TRIM71: variants seen among roughly 807,000 people sequenced by gnomAD.
TRIM71 encodes E3 ubiquitin-protein ligase TRIM71.
In TRIM71, 9 loss-of-function variants were observed where a neutral mutation model predicts 61.2. The observed-to-expected ratio is 0.15, with a 90% CI of 0.09 to 0.26. The LOEUF is 0.26. Among genes scored for constraint, TRIM71 ranks in the 10% least tolerant of loss-of-function variants. TRIM71 has a pLI of 1.00. For missense variants in TRIM71, 998 were observed against 1,238.7 expected, an observed-to-expected ratio of 0.81 and a Z score of 2.92; for synonymous variants, 645 against 553.2, an observed-to-expected ratio of 1.17 and a Z score of -2.33.
intron 1 of TRIM71, among the ~76,000 whole-genome samples, chr3:32,824,304 A>G (rs1391238975): frequency 6.6e-6 from 1 of 150,968 alleles, no homozygotes; most frequent in Non-Finnish European, 1.5e-5. Flanking sequence ...CAGCCTCCCA[A>G]GTAACGGGGA....
chr3:32,855,628 C>A (rs561024193), intron 1 of TRIM71, among the ~76,000 whole-genome samples: 1 of 152,130 alleles, frequency 6.6e-6, no homozygotes, highest in Admixed American at 6.5e-5. Context: ...AAGCAGTGTT[C>A]CCTAGAGGGA....
chr3:32,830,895 C>G (rs34072251), intron 1 of TRIM71, among the ~76,000 whole-genome samples: 27,166 of 152,200 alleles, frequency 0.18, 2,562 homozygotes, highest in Middle Eastern at 0.3. Context: ...ACTGCAACCT[C>G]TACCTCCTGG....
chr3:32,840,796 G>A (rs990148956), intron 1 of TRIM71, among the ~76,000 whole-genome samples: 3 of 152,320 alleles, frequency 2.0e-5, no homozygotes, highest in African/African-American at 7.2e-5. Flanking sequence ...GAAGCCTTGC[G>A]ACTCTGCTGC....
At chr3:32,864,863 T>G (rs1350908054) in intron 1 of TRIM71, among the ~76,000 whole-genome samples, 1 of 137,784 alleles carries the variant, frequency 7.3e-6, no homozygotes, top group Non-Finnish European at 1.5e-5. Flanking sequence ...TGTGTGTGTG[T>G]GTGTGTGTGT....
At chr3:32,823,215 A>G (rs943814091) in intron 1 of TRIM71, among the ~76,000 whole-genome samples, 2 of 152,238 alleles carry the variant, frequency 1.3e-5, no homozygotes, top group Non-Finnish European at 2.9e-5. Flanking sequence ...AATGTTCGTT[A>G]TTGATATGTT....
chr3:32,825,550 A>G (rs1467052483), intron 1 of TRIM71, among the ~76,000 whole-genome samples: 2 of 152,154 alleles, frequency 1.3e-5, no homozygotes, highest in African/African-American at 2.4e-5. Context: ...TTGACAGGCA[A>G]AAGGGTGAGA....
chr3:32,838,233 A>T (rs142258360), intron 1 of TRIM71, among the ~76,000 whole-genome samples: 2 of 151,854 alleles, frequency 1.3e-5, no homozygotes, highest in African/African-American at 4.8e-5. Flanking sequence ...TTATTATTAT[A>T]TTTTTTTGAG....
chr3:32,836,189 TGCTCCGGAGA>T (rs1312282511), intron 1 of TRIM71, among the ~76,000 whole-genome samples: 2 of 152,128 alleles, frequency 1.3e-5, no homozygotes, highest in African/African-American at 4.8e-5. Flanking sequence ...CCCAGCACTT[TGCTCCGGAGA>T]GCTTGCCTTC....
intron 1 of TRIM71, among the ~76,000 whole-genome samples, chr3:32,834,819 TG>T (rs1241908455): frequency 6.6e-6 from 1 of 152,076 alleles, no homozygotes; most frequent in East Asian, 1.9e-4. Flanking sequence ...TCCAGCCTGG[TG>T]ACAGAGCGAG....
chr3:32,866,225 T>A (rs542816710), intron 1 of TRIM71, among the ~76,000 whole-genome samples: 78 of 151,970 alleles, frequency 5.1e-4, no homozygotes, highest in Non-Finnish European at 8.8e-4. Flanking sequence ...CGTGAACCAC[T>A]GCACCAGGCC....
At chr3:32,882,957 GT>G (rs1696925659) in intron 2 of TRIM71, among the ~76,000 whole-genome samples, 2 of 152,220 alleles carry the variant, frequency 1.3e-5, no homozygotes, top group African/African-American at 2.4e-5. Flanking sequence ...CTGGGTTCTT[GT>G]AACCACAGCT....
At chr3:32,832,607 C>T (rs1696284806) in intron 1 of TRIM71, among the ~76,000 whole-genome samples, 1 of 152,088 alleles carries the variant, frequency 6.6e-6, no homozygotes, top group Non-Finnish European at 1.5e-5. Context: ...ATTGCTTGAG[C>T]CTGGGAGGTG....
chr3:32,885,839 C>T (rs1696955750), intron 2 of TRIM71, 95 bp from the exon 3 acceptor site: 3 of 1,502,788 alleles, frequency 2.0e-6, no homozygotes. Flanking sequence ...CCCAGGGTGT[C>T]AGCTTTTCAA....
rs1696091559 is a variant in TRIM71 at position 32,818,697 on chromosome 3, A to G, written c.617A>G (p.Asn206Ser). Residue 206 changes from asparagine to serine, a missense_variant, in exon 1 of 4, where the codon AAC becomes AGC. Asn to Ser is a conservative substitution (Grantham distance 46). Coordinates refer to ENST00000383763, the MANE Select transcript of TRIM71 (RefSeq NM_001039111.3). ...GGCTGCAGCTCGTGCGATGAGGGCA[A>G]CGCAGCTTCTTCGCGCTGCCTCGAC... ...PHGCSSCDEG[N>S]AASSRCLDCQ... 1.9e-6 allele frequency: 3 copies of G among 1,580,192 alleles called. No individual in the cohort carries two copies. The highest frequency in any genetic ancestry group is 2.6e-6 in the Non-Finnish European group (3 of 1,170,482).
rs1384194450 is a variant in TRIM71, at chr3:32,835,358, G to T, written c.852+16426G>T. On this transcript the variant is annotated intron_variant, in intron 1 of 3. Transcript: ENST00000383763. ...ATTTGTAAATGTTATCACTGTGAGA[G>T]GGTCCTCTCCCCCTCTAAATGGTAA... Among the ~76,000 whole-genome samples the T allele has an allele frequency of 3.9e-5, 6 of 152,254 alleles. No individual in the cohort carries two copies. In the East Asian group the frequency reaches 1.2e-3, roughly 29 times the overall value.
chr3:32,840,779 C>CATTGGTG (rs1559540378), intron 1 of TRIM71, among the ~76,000 whole-genome samples: 1 of 151,834 alleles, frequency 6.6e-6, no homozygotes, highest in Admixed American at 6.6e-5. Context: ...AAGTGGCTAA[C>CATTGGTG]ACTGGTGAAG....
intron 1 of TRIM71, among the ~76,000 whole-genome samples, chr3:32,839,644 G>A (rs1696380097): frequency 1.0e-5 from 1 of 100,214 alleles, no homozygotes; most frequent in Admixed American, 1.6e-4. Context: ...AAGTCGAATT[G>A]ATTATTGAGC....
At chr3:32,847,365 T>G in intron 1 of TRIM71, among the ~76,000 whole-genome samples, 1 of 151,962 alleles carries the variant, frequency 6.6e-6, no homozygotes. Context: ...TCCCGCTAAT[T>G]TTGTATTTTT....
intron 2 of TRIM71, 109 bp downstream of exon 2, chr3:32,874,094 G>T: frequency 8.5e-7 from 1 of 1,178,710 alleles, no homozygotes; most frequent in Non-Finnish European, 1.2e-6. Context: ...GTGGAATAGT[G>T]ACCCAAATGA....
Sources: gnomAD v4.1 joint callset for allele counts (sites outside exome capture counted in the v4.1 genomes callset) on GRCh38, gnomAD v4.1.1 for gene constraint, MANE v1.5 for transcripts, NCBI Gene and HGNC (gene_info 2026-07-23, HGNC 2026-07-21) for gene names.